ITK: variants seen among roughly 807,000 people sequenced by gnomAD.
ITK encodes the protein IL2 inducible T cell kinase.
ITK carries 45 observed loss-of-function variants against 87.6 expected under a neutral mutation model. The ratio of observed to expected loss-of-function variants is 0.51; its 90% CI spans 0.40 to 0.66. ITK has a LOEUF of 0.66. ITK is among the 30% of genes least tolerant of loss of function. The pLI is 0.00. For synonymous variants in ITK, 303 were observed against 273.6 expected, an observed-to-expected ratio of 1.11 and a Z score of -1.06; for missense variants, 605 against 766.3, an observed-to-expected ratio of 0.79 and a Z score of 2.48.
intron 15 of ITK, among the ~76,000 whole-genome samples, chr5:157,246,474 G>T (rs967475165): frequency 6.6e-6 from 1 of 151,962 alleles, no homozygotes; most frequent in African/African-American, 2.4e-5. Flanking sequence ...CTGTTCTTTT[G>T]GAACTAAATT....
intron 4 of ITK, among the ~76,000 whole-genome samples, chr5:157,216,763 A>G (rs1754306365): frequency 6.6e-6 from 1 of 152,156 alleles, no homozygotes. Context: ...CCAGTCTCCC[A>G]GCTCCAAGTT....
At chr5:157,252,517 G>A in intron 16 of ITK, 90 bp from the exon 17 acceptor site, 3 of 915,520 alleles carry the variant, frequency 3.3e-6, no homozygotes, top group Non-Finnish European at 5.5e-6. Context: ...AAATCCACAG[G>A]GGATGCTGCT....
intron 6 of ITK, among the ~76,000 whole-genome samples, chr5:157,227,083 GT>G (rs1754547227): frequency 6.6e-6 from 1 of 152,102 alleles, no homozygotes; most frequent in Non-Finnish European, 1.5e-5. Flanking sequence ...GCCTCCCAAA[GT>G]ACTAGGATTA....
chr5:157,193,212 C>T (rs972867262), intron 1 of ITK, among the ~76,000 whole-genome samples: 2 of 152,156 alleles, frequency 1.3e-5, no homozygotes, highest in African/African-American at 4.8e-5. Context: ...CAGAGCGAGA[C>T]CCTATCTCTC....
intron 11 of ITK, among the ~76,000 whole-genome samples, chr5:157,243,287 G>A (rs1754950692): frequency 6.6e-6 from 1 of 152,178 alleles, no homozygotes; most frequent in African/African-American, 2.4e-5. Flanking sequence ...ATGAATGAAA[G>A]AATGATCAGC....
At position 157,228,074 on chromosome 5, in the gene ITK, C is replaced by T. The variant is rs1754573504; in HGVS notation, c.648-222C>T. ...CAGGCTGGTCTCAAACTCTTGACCTCGTGATCCACCTGCCTCGGCCTCCAA... is the reference window on the plus strand; with the variant it reads ...CAGGCTGGTCTCAAACTCTTGACCTTGTGATCCACCTGCCTCGGCCTCCAA... On this transcript the variant is annotated intron_variant, in intron 6 of 16. Coordinates refer to ENST00000422843, the MANE Select transcript of ITK (RefSeq NM_005546.4). 2.6e-5 allele frequency among the ~76,000 whole-genome samples: 4 copies of T among 151,912 alleles called. 1 individual carries two copies. Among genetic ancestry groups the T allele is most frequent in the Non-Finnish European group, 5.9e-5 (4 of 67,976 alleles).
chr5:157,192,786 TC>T (rs1482822610), intron 1 of ITK, among the ~76,000 whole-genome samples: 3 of 152,204 alleles, frequency 2.0e-5, no homozygotes, highest in African/African-American at 7.2e-5. Context: ...ATCTTCCAAC[TC>T]TGTGACCCTT....
intron 1 of ITK, among the ~76,000 whole-genome samples, chr5:157,206,101 G>A (rs1754074735): frequency 6.7e-6 from 1 of 150,340 alleles, no homozygotes; most frequent in Non-Finnish European, 1.5e-5. Context: ...CTACAGGTGT[G>A]CACCACCATA....
At chr5:157,237,135 A>G (rs1754792885) in intron 8 of ITK, among the ~76,000 whole-genome samples, 2 of 152,274 alleles carry the variant, frequency 1.3e-5, no homozygotes, top group South Asian at 4.1e-4. Context: ...AAAGACATGG[A>G]ATCAACCTAG....
At chr5:157,241,824 C>T (rs1754914546) in intron 11 of ITK, 104 bp downstream of exon 11, 1 of 774,830 alleles carries the variant, frequency 1.3e-6, no homozygotes, top group Non-Finnish European at 2.3e-6. Flanking sequence ...TACAAATCAC[C>T]ATTAAAACAA....
At chr5:157,194,856 G>T (rs1441457507) in intron 1 of ITK, among the ~76,000 whole-genome samples, 2 of 152,168 alleles carry the variant, frequency 1.3e-5, no homozygotes, top group Non-Finnish European at 2.9e-5. Flanking sequence ...GGGAACTAGG[G>T]TATGGTAGAA....
At position 157,214,177 on chromosome 5, in the gene ITK, C is replaced by A; in HGVS notation, c.326-14C>A. Reference sequence around the variant, plus strand: ...CCTGGAAATAACTCTTCTGTTGGTGCCAACCTGTTTCAGAAACGAGGAATA... The same window carrying A: ...CCTGGAAATAACTCTTCTGTTGGTGACAACCTGTTTCAGAAACGAGGAATA... On this transcript the variant is annotated splice_polypyrimidine_tract_variant and intron_variant, in intron 3 of 16. Transcript: ENST00000422843. 6.2e-7 allele frequency: 1 copy of A among 1,609,912 alleles called. No homozygotes were observed. The highest frequency in any genetic ancestry group is 1.1e-5 in the South Asian group (1 of 90,994).
At chr5:157,226,021 C>T (rs1360886765) in intron 6 of ITK, among the ~76,000 whole-genome samples, 1 of 152,200 alleles carries the variant, frequency 6.6e-6, no homozygotes, top group Non-Finnish European at 1.5e-5. Flanking sequence ...ATGGGAATTT[C>T]CCCAGTTTGC....
chr5:157,216,444 G>A (rs1332866331), intron 4 of ITK, among the ~76,000 whole-genome samples: 2 of 152,166 alleles, frequency 1.3e-5, no homozygotes, highest in Admixed American at 1.3e-4. Flanking sequence ...TTGATAAATG[G>A]TAATTGTGTC....
intron 3 of ITK, chr5:157,213,473 G>A: frequency 2.5e-6 from 1 of 400,330 alleles, no homozygotes; most frequent in South Asian, 1.9e-5. Context: ...GACCTATTGG[G>A]CTCAAGTGAT....
chr5:157,181,000 A>G lies in ITK; in HGVS notation c.23A>G (p.Glu8Gly). The G allele has an allele frequency of 6.2e-7, 1 of 1,614,000 alleles. No homozygotes were observed. Among genetic ancestry groups the G allele is most frequent in the Non-Finnish European group, 8.5e-7 (1 of 1,179,854 alleles). Residue 8 changes from glutamate to glycine, a missense_variant, in exon 1 of 17, where the codon GAA (glutamate) becomes GGA (glycine). Glu to Gly is a moderately conservative substitution (Grantham distance 98). Around this residue, in one of 3 missense-constraint regions of ITK, gnomAD observed 464 missense variants for 578.0 expected, o/e 0.80. Transcript: ENST00000422843. ...ATCATGAACAACTTTATCCTCCTGG[A>G]AGAACAGCTCATCAAGAAATCCCAA... MNNFILL[E>G]EQLIKKSQQK...
intron 3 of ITK, 49 bp from the exon 4 acceptor site, chr5:157,214,142 G>A: frequency 3.2e-6 from 5 of 1,568,970 alleles, no homozygotes; most frequent in Non-Finnish European, 4.4e-6. Context: ...GGTAGCCCTT[G>A]ATAGACTGAC....
intron 16 of ITK, among the ~76,000 whole-genome samples, chr5:157,249,435 A>G (rs1432089984): frequency 6.6e-6 from 1 of 152,250 alleles, no homozygotes; most frequent in African/African-American, 2.4e-5. Context: ...TTCATTCTGC[A>G]TTTAAAATGG....
In ITK at chr5:157,217,929, G is replaced by A. The variant is rs246747; in HGVS notation, c.495+22G>A. The stretch of plus-strand genomic sequence containing the variant: ...CAGGGTGAGTGAGAGCGCTAGCTCC[G>A]GGTGCAGGTGGGCCCACAGGCTACC... On this transcript the variant is annotated intron_variant, in intron 5 of 16. Transcript: ENST00000422843. 0.29 allele frequency: 465,684 copies of A among 1,606,566 alleles called. 70,497 individuals carry two copies. The highest frequency in any genetic ancestry group is 0.31 in the Non-Finnish European group (365,784 of 1,173,356).
Sources: gnomAD v4.1 joint callset for allele counts (sites outside exome capture counted in the v4.1 genomes callset) on GRCh38, gnomAD v4.1.1 for gene constraint, gnomAD v4.1.1 regional missense constraint, MANE v1.5 for transcripts, NCBI Gene and HGNC (gene_info 2026-07-23, HGNC 2026-07-21) for gene names.